SGCD: variants seen among roughly 807,000 people sequenced by gnomAD.
The protein encoded by SGCD is sarcoglycan delta.
In SGCD, 18 loss-of-function variants were observed where a neutral mutation model predicts 36.6. That is an observed-to-expected ratio of 0.49 (90% CI 0.34 to 0.73). The LOEUF is 0.73. Among genes scored for constraint, SGCD ranks in the 30% least tolerant of loss-of-function variants. The pLI, the probability that SGCD is intolerant of heterozygous loss-of-function variation, is 0.01. For synonymous variants in SGCD, 133 were observed against 130.6 expected (o/e 1.02, Z -0.12); for missense variants, 387 against 346.7 (o/e 1.12, Z -0.92).
chr5:156,458,549 C>T (rs1754352061), intron 3 of SGCD: 2 of 1,272,978 alleles, frequency 1.6e-6, no homozygotes, highest in East Asian at 4.7e-5. Context: ...TTCTTTCCCT[C>T]AAACCGCATA....
intron 7 of SGCD, among the ~76,000 whole-genome samples, chr5:156,708,494 A>G (rs1754838781): frequency 6.6e-6 from 1 of 152,202 alleles, no homozygotes; most frequent in South Asian, 2.1e-4. Context: ...AATGAAGTTC[A>G]GAATGTAAAT....
intron 7 of SGCD, among the ~76,000 whole-genome samples, chr5:156,686,629 A>G (rs1753915335): frequency 6.6e-6 from 1 of 152,206 alleles, no homozygotes; most frequent in South Asian, 2.1e-4. Flanking sequence ...AGATGCTGAC[A>G]GGTTTGTAAG....
At chr5:156,023,689 T>G (rs1362844927) in intron 1 of SGCD, among the ~76,000 whole-genome samples, 2 of 152,198 alleles carry the variant, frequency 1.3e-5, no homozygotes, top group African/African-American at 4.8e-5. Context: ...TGTGAGAACG[T>G]TCAGAGAATT....
chr5:156,319,613 A>C (rs6875169), intron 3 of SGCD, among the ~76,000 whole-genome samples: 56,220 of 152,054 alleles, frequency 0.37, 11,526 homozygotes, highest in African/African-American at 0.56. Context: ...GTAATTTCCC[A>C]TAGTGAGTGA....
intron 7 of SGCD, among the ~76,000 whole-genome samples, chr5:156,686,517 C>T (rs1753910748): frequency 6.6e-6 from 1 of 152,178 alleles, no homozygotes; most frequent in South Asian, 2.1e-4. Context: ...TCTCTCTAGG[C>T]AGGCTAGTAT....
At chr5:155,736,861 A>G in the SGCD span, among the ~76,000 whole-genome samples, 1 of 152,214 alleles carries the variant, frequency 6.6e-6, no homozygotes, top group Admixed American at 6.5e-5. Flanking sequence ...ATCACCACAG[A>G]GATGACAAAA....
intron 1 of SGCD, among the ~76,000 whole-genome samples, chr5:156,025,423 C>T (rs778963684): frequency 6.6e-6 from 1 of 152,192 alleles, no homozygotes; most frequent in Admixed American, 6.5e-5. Flanking sequence ...AAAATCCTTA[C>T]CACTCTCAGT....
chr5:156,266,850 A>C (rs1328702498), intron 3 of SGCD, among the ~76,000 whole-genome samples: 5 of 152,008 alleles, frequency 3.3e-5, no homozygotes, highest in Non-Finnish European at 7.4e-5. Flanking sequence ...AAAATAAAAA[A>C]TAAGTTAGTT....
At chr5:156,510,446 T>G (rs1440867633) in intron 4 of SGCD, among the ~76,000 whole-genome samples, 3 of 152,184 alleles carry the variant, frequency 2.0e-5, no homozygotes, top group Non-Finnish European at 2.9e-5. Context: ...GCAATTTGGT[T>G]AGTTGTCATT....
rs73811541 is a variant in SGCD at position 156,197,237 on chromosome 5, C to T, written c.-44+73218C>T. 8.1e-3 allele frequency among the ~76,000 whole-genome samples: 1,231 copies of T among 152,202 alleles called. 16 individuals are homozygous for T. Among genetic ancestry groups the T allele is most frequent in the African/African-American group, 0.029 (1,184 of 41,542 alleles). ...ACCCTTTTTTTAGCCTTTTGATGTA[C>T]ACTGCTATATTGCCCTGCATGAATA... On this transcript the variant is annotated intron_variant, in intron 3 of 9. Coordinates refer to the SGCD transcript ENST00000517913.
chr5:156,041,255 G>A (rs991934981), intron 1 of SGCD, among the ~76,000 whole-genome samples: 2 of 152,218 alleles, frequency 1.3e-5, no homozygotes, highest in Admixed American at 1.3e-4. Context: ...GAATCAGGTT[G>A]ACTTATCCAC....
At chr5:155,995,033 T>C (rs1203473850) in intron 1 of SGCD, among the ~76,000 whole-genome samples, 1 of 152,188 alleles carries the variant, frequency 6.6e-6, no homozygotes, top group Non-Finnish European at 1.5e-5. Context: ...CCACAGCTTC[T>C]GGTCCTGAAA....
intron 4 of SGCD, among the ~76,000 whole-genome samples, chr5:156,536,447 A>G (rs1758115579): frequency 1.3e-5 from 2 of 152,236 alleles, no homozygotes; most frequent in South Asian, 4.1e-4. Context: ...CTTAGTCATC[A>G]TCGCATTTAT....
intron 4 of SGCD, among the ~76,000 whole-genome samples, chr5:156,525,757 G>A (rs1275252993): frequency 6.6e-6 from 1 of 151,926 alleles, no homozygotes; most frequent in Non-Finnish European, 1.5e-5. Flanking sequence ...TGATTTTTGT[G>A]TACAGTATAA....
intron 4 of SGCD, among the ~76,000 whole-genome samples, chr5:156,580,398 T>A (rs983950820): frequency 6.6e-6 from 1 of 152,194 alleles, no homozygotes; most frequent in African/African-American, 2.4e-5. Context: ...GTCTTGGGGT[T>A]GTTCTTCTTG....
intron 1 of SGCD, among the ~76,000 whole-genome samples, chr5:156,004,752 C>A (rs756143391): frequency 2.6e-5 from 4 of 152,166 alleles, no homozygotes; most frequent in Non-Finnish European, 5.9e-5. Flanking sequence ...AGTACAAGTG[C>A]TCTATAAATT....
intron 1 of SGCD, among the ~76,000 whole-genome samples, chr5:156,099,482 T>A (rs1166202378): frequency 4.6e-5 from 7 of 152,216 alleles, no homozygotes; most frequent in Admixed American, 2.6e-4. Context: ...TGGCGCCATC[T>A]TGGCTCACAG....
chr5:155,855,310 G>A, the SGCD span, among the ~76,000 whole-genome samples: 2 of 152,156 alleles, frequency 1.3e-5, no homozygotes, highest in Admixed American at 1.3e-4. Flanking sequence ...ACACTGGATT[G>A]CAAGATTCTA....
At position 156,698,487 on chromosome 5, in the gene SGCD, T is replaced by C. The variant is rs888496440; in HGVS notation, c.575+50951T>C. On this transcript the variant is annotated intron_variant, in intron 7 of 8. Coordinates refer to ENST00000337851, the MANE Select transcript of SGCD (RefSeq NM_000337.6). ...GTGTAGCAATCAGCTGGAAGGAACC[T>C]CGGAGGCCACATGGCCCAACCTGCT... Among the ~76,000 whole-genome samples, 5 of 152,226 alleles carry C rather than the reference T, an allele frequency of 3.3e-5. No individual in the cohort carries two copies. The East Asian group carries it at 7.7e-4, about 23-fold the overall frequency.
Sources: allele counts gnomAD v4.1 joint callset (sites outside exome capture counted in the v4.1 genomes callset), GRCh38; gene constraint gnomAD v4.1.1; transcripts MANE v1.5; gene names NCBI Gene and HGNC (gene_info 2026-07-23, HGNC 2026-07-21).